Variants in ABTB2 observed in about 807,000 individuals in gnomAD.
ABTB2 encodes the protein ankyrin repeat and BTB domain containing 2.
In ABTB2, 56 loss-of-function variants were observed where a neutral mutation model predicts 104.1. The observed-to-expected ratio is 0.54, with a 90% confidence interval of 0.43 to 0.67. The LOEUF is 0.67. ABTB2 is among the 30% of genes least tolerant of loss of function. The pLI, the probability that ABTB2 is intolerant of heterozygous loss-of-function variation, is 0.00. For synonymous variants in ABTB2, 606 were observed against 608.2 expected, an observed-to-expected ratio of 1.00 and a Z score of 0.05; for missense variants, 1,279 against 1,407.7, an observed-to-expected ratio of 0.91 and a Z score of 1.46.
rs1006142579 is a variant in ABTB2, at chr11:34,338,001, C to T, written c.883+18700G>A. ...TGCCCCATACATACTGTGAGAGGAG[C>T]GCAGAATAAAATCCACCCCCAGTGA... On this transcript the variant is annotated intron_variant, in intron 1 of 16. Coordinates refer to ENST00000435224, the MANE Select transcript of ABTB2 (RefSeq NM_145804.3). Among the ~76,000 whole-genome samples, 18 of 151,988 alleles carry T rather than the reference C, an allele frequency of 1.2e-4. No homozygotes were observed. In the East Asian group the frequency reaches 1.4e-3, roughly 11 times the overall value.
In ABTB2 at chr11:34,347,763, C is replaced by T. The variant is rs1160108065; in HGVS notation, c.883+8938G>A. On this transcript the variant is annotated intron_variant, in intron 1 of 16. Coordinates refer to ENST00000435224, the MANE Select transcript of ABTB2 (RefSeq NM_145804.3). Reference sequence around the variant, plus strand: ...GCTTGAAATCTTTATTATCAATGCTCTGGAAACACATTAACTAAGAATTAA... The same window carrying T: ...GCTTGAAATCTTTATTATCAATGCTTTGGAAACACATTAACTAAGAATTAA... Among the ~76,000 whole-genome samples the T allele has an allele frequency of 2.1e-5, 3 of 145,630 alleles. No homozygotes were observed. In the East Asian group the frequency reaches 5.8e-4, roughly 28 times the overall value.
At chr11:34,258,941 G>A (rs895089693) in intron 1 of ABTB2, among the ~76,000 whole-genome samples, 4 of 149,672 alleles carry the variant, frequency 2.7e-5, no homozygotes, top group East Asian at 3.9e-4. Flanking sequence ...GTACATATGC[G>A]TGTGGTAGTG....
intron 7 of ABTB2, among the ~76,000 whole-genome samples, chr11:34,166,110 T>TC: frequency 6.6e-6 from 1 of 152,346 alleles, no homozygotes; most frequent in South Asian, 2.1e-4. Flanking sequence ...CTTTCCACCT[T>TC]CCCTGACCAG....
intron 1 of ABTB2, among the ~76,000 whole-genome samples, chr11:34,325,640 G>A (rs934955718): frequency 6.6e-6 from 1 of 152,134 alleles, no homozygotes; most frequent in African/African-American, 2.4e-5. Context: ...CAGGAGAGGG[G>A]ATTCTGCTGC....
intron 3 of ABTB2, among the ~76,000 whole-genome samples, chr11:34,191,003 T>C (rs1853168423): frequency 6.6e-6 from 1 of 152,210 alleles, no homozygotes; most frequent in Non-Finnish European, 1.5e-5. Context: ...ATGAGGAAAC[T>C]GAGGCCCAGG....
intron 1 of ABTB2, among the ~76,000 whole-genome samples, chr11:34,319,943 C>T (rs1854981810): frequency 6.6e-6 from 1 of 152,166 alleles, no homozygotes; most frequent in African/African-American, 2.4e-5. Flanking sequence ...GCTAGGATTA[C>T]AGGTGTGAGA....
At chr11:34,256,430 C>T (rs975830556) in intron 1 of ABTB2, among the ~76,000 whole-genome samples, 1 of 152,124 alleles carries the variant, frequency 6.6e-6, no homozygotes, top group Non-Finnish European at 1.5e-5. Context: ...GAAACAAACC[C>T]GGTTTTGTCA....
intron 1 of ABTB2, chr11:34,335,558 T>G: frequency 7.0e-7 from 1 of 1,418,880 alleles, no homozygotes; most frequent in South Asian, 1.2e-5. Flanking sequence ...ACGTTTGTAT[T>G]GCACACTCCA....
intron 2 of ABTB2, among the ~76,000 whole-genome samples, chr11:34,200,760 T>G (rs1384264354): frequency 6.6e-6 from 1 of 152,220 alleles, no homozygotes; most frequent in Non-Finnish European, 1.5e-5. Context: ...CCCGTCCCAG[T>G]TCTGCAACTA....
chr11:34,160,055 C>G (rs758937099), intron 12 of ABTB2, 47 bp from the exon 13 acceptor site: 1 of 1,520,226 alleles, frequency 6.6e-7, no homozygotes, highest in Middle Eastern at 2.0e-4. Flanking sequence ...GAGTCCCCTG[C>G]TGGGGTTTGC....
intron 1 of ABTB2, among the ~76,000 whole-genome samples, chr11:34,264,855 C>T (rs765024537): frequency 1.3e-5 from 2 of 152,190 alleles, no homozygotes; most frequent in African/African-American, 2.4e-5. Flanking sequence ...TCCTCATCCT[C>T]GGAACAGGGG....
At chr11:34,217,610 T>G (rs533216626) in intron 1 of ABTB2, among the ~76,000 whole-genome samples, 1 of 152,096 alleles carries the variant, frequency 6.6e-6, no homozygotes, top group Non-Finnish European at 1.5e-5. Context: ...TACAGGCACC[T>G]GCCACCATGA....
At chr11:34,283,565 T>A (rs1441743289) in intron 1 of ABTB2, among the ~76,000 whole-genome samples, 1 of 152,186 alleles carries the variant, frequency 6.6e-6, no homozygotes, top group African/African-American at 2.4e-5. Context: ...TTAGCAAGTA[T>A]CAAAGTATAT....
intron 1 of ABTB2, among the ~76,000 whole-genome samples, chr11:34,207,744 G>A (rs1565141157): frequency 6.6e-6 from 1 of 152,244 alleles, no homozygotes; most frequent in Non-Finnish European, 1.5e-5. Context: ...ACAGGGACTG[G>A]AGTTTCAATT....
intron 1 of ABTB2, among the ~76,000 whole-genome samples, chr11:34,219,121 C>T (rs180698021): frequency 2.0e-4 from 31 of 152,240 alleles, no homozygotes; most frequent in Non-Finnish European, 3.5e-4. Flanking sequence ...AAAACATGTA[C>T]ACAAATAATT....
chr11:34,240,358 G>A (rs554135138), intron 1 of ABTB2, among the ~76,000 whole-genome samples: 2 of 152,208 alleles, frequency 1.3e-5, no homozygotes, highest in Non-Finnish European at 2.9e-5. Context: ...AGTCTCGAGC[G>A]ATCCACCTGG....
chr11:34,269,574 C>T lies in ABTB2; in HGVS notation c.884-64884G>A, dbSNP rs537952260. Among the ~76,000 whole-genome samples, 134 of 152,332 alleles carry T rather than the reference C, an allele frequency of 8.8e-4. 1 individual carries two copies. Among genetic ancestry groups the T allele is most frequent in the Non-Finnish European group, 1.7e-3 (119 of 68,030 alleles). ...ACTCCCCACCTCGTCTGTTGTAGAG[C>T]AAGAGCAGCCACAGACAACTTGCAA... On this transcript the variant is annotated intron_variant, in intron 1 of 16. Coordinates refer to ENST00000435224, the MANE Select transcript of ABTB2 (RefSeq NM_145804.3).
Position 34,171,056 on chromosome 11 carries a change from G to A in ABTB2, c.1413C>T (p.Phe471=). The A allele has an allele frequency of 1.9e-6, 3 of 1,614,172 alleles. No homozygotes were observed. Among genetic ancestry groups the A allele is most frequent in the Non-Finnish European group, 2.5e-6 (3 of 1,180,022 alleles). ...EPRQLKPEHC[F]SSFRRLDARA... ...GGGCATCCAGCCTCCGGAAGGAACT[G>A]AAACAGTGTTCGGGTCTGCCCAGAA... is the stretch of plus-strand genomic sequence containing the variant. The change falls in exon 5 of 17, where the codon TTC becomes TTT. Residue 471 remains phenylalanine (F), a synonymous_variant. Coordinates refer to ENST00000435224, the MANE Select transcript of ABTB2 (RefSeq NM_145804.3).
rs116999485 is a variant in ABTB2, at chr11:34,345,968, C to T, written c.883+10733G>A. Among the ~76,000 whole-genome samples, 1,286 of 152,274 alleles carry T rather than the reference C, an allele frequency of 8.4e-3. 7 individuals carry two copies. Among genetic ancestry groups the T allele is most frequent in the Admixed American group, 0.015 (235 of 15,306 alleles). On this transcript the variant is annotated intron_variant, in intron 1 of 16. Transcript: ENST00000435224. ...GGGGAAGAGAAACAGGCAAGCCACC[C>T]CATTTCCCCAGCCTCTCATACTGAC...
Sources: gnomAD v4.1 joint callset for allele counts (sites outside exome capture counted in the v4.1 genomes callset) on GRCh38, gnomAD v4.1.1 for gene constraint, MANE v1.5 for transcripts, NCBI Gene and HGNC (gene_info 2026-07-23, HGNC 2026-07-21) for gene names.